The following TUT4 variants were observed in gnomAD, a reference collection of about 807,000 sequenced individuals.
TUT4 encodes terminal uridylyltransferase 4.
In TUT4, 36 loss-of-function variants were observed where a neutral mutation model predicts 192.2. The observed-to-expected ratio is 0.19, with a 90% CI of 0.14 to 0.25. The LOEUF is 0.25. Among genes scored for constraint, TUT4 ranks in the 10% least tolerant of loss-of-function variants. TUT4 has a pLI of 1.00. For synonymous variants in TUT4, 618 were observed against 666.0 expected (o/e 0.93, Z 1.11); for missense variants, 1,493 against 1,957.2 (o/e 0.76, Z 4.47).
intron 3 of TUT4, among the ~76,000 whole-genome samples, chr1:52,512,417 GT>G (rs1424198269): frequency 6.6e-6 from 1 of 152,192 alleles, no homozygotes; most frequent in African/African-American, 2.4e-5. Flanking sequence ...GTAAACTGAT[GT>G]TTAAAGAATT....
intron 1 of TUT4, among the ~76,000 whole-genome samples, chr1:52,543,311 G>C (rs781345534): frequency 3.3e-5 from 5 of 151,476 alleles, no homozygotes; most frequent in Admixed American, 1.3e-4. Flanking sequence ...TAATCTAAAG[G>C]GAAATTTTAA....
rs1180682966 is a variant in TUT4, at chr1:52,431,164, G to C, written c.4560C>G (p.Ala1520=). Residue 1520 remains alanine (A), a synonymous_variant, in exon 28 of 30, where the codon GCC becomes GCG. Transcript: ENST00000257177. ...GPVIHSAPGS[A]PSNIGLNDPS... ...GATCATTTAGGCCAATATTGCTGGG[G>C]GCACTGCCTGGTGCAGAGTGGATCA... 1 of 1,614,090 alleles carries C rather than the reference G, an allele frequency of 6.2e-7. No individual in the cohort carries two copies. The highest frequency in any genetic ancestry group is 8.5e-7 in the Non-Finnish European group (1 of 1,180,036).
intron 4 of TUT4, among the ~76,000 whole-genome samples, chr1:52,504,096 C>T (rs1674873998): frequency 6.6e-6 from 1 of 152,164 alleles, no homozygotes; most frequent in Non-Finnish European, 1.5e-5. Flanking sequence ...GTAAATGGCA[C>T]CACAAACTAT....
intron 1 of TUT4, chr1:52,538,384 T>C (rs1173675449): frequency 1.3e-5 from 2 of 151,652 alleles, no homozygotes; most frequent in African/African-American, 4.8e-5. Context: ...AAAAGGGAGC[T>C]GGGTGCGGTG....
intron 9 of TUT4, 142 bp from the exon 10 acceptor site, chr1:52,482,065 A>T: frequency 1.8e-6 from 1 of 559,274 alleles, no homozygotes; most frequent in Non-Finnish European, 2.8e-6. Context: ...AAATATCATC[A>T]CTCTAAAATA....
chr1:52,487,541 AG>A (rs1471713973), intron 9 of TUT4, among the ~76,000 whole-genome samples: 8 of 152,200 alleles, frequency 5.3e-5, no homozygotes, highest in Non-Finnish European at 8.8e-5. Context: ...ATAGAGTATA[AG>A]ATAAATGAGA....
chr1:52,474,984 C>T lies in TUT4; in HGVS notation c.2575G>A (p.Glu859Lys). The T allele has an allele frequency of 3.1e-6, 5 of 1,614,190 alleles. No individual in the cohort carries two copies. The highest frequency in any genetic ancestry group is 4.2e-6 in the Non-Finnish European group (5 of 1,180,040). The change falls in exon 13 of 30, where the codon GAG becomes AAG. Residue 859 changes from glutamate to lysine, a missense_variant. Glu to Lys is a moderately conservative substitution (Grantham distance 56). Coordinates refer to ENST00000257177, the MANE Select transcript of TUT4 (RefSeq NM_001009881.3). The stretch of plus-strand genomic sequence containing the variant: ...GTGCACACACTCTGATGTGAACTCT[C>T]TGTTTCTAAATTTGACCTGCAGTCT... ...GTDCRSNLET[E>K]SSHQSVCTDT...
At chr1:52,452,951 T>C (rs533892747) in intron 20 of TUT4, among the ~76,000 whole-genome samples, 6 of 152,212 alleles carry the variant, frequency 3.9e-5, no homozygotes, top group Admixed American at 6.5e-5. Context: ...ATACTACAGA[T>C]GGTGCCAGAA....
chr1:52,537,722 G>C (rs1685318113), intron 1 of TUT4, among the ~76,000 whole-genome samples: 1 of 152,106 alleles, frequency 6.6e-6, no homozygotes, highest in Non-Finnish European at 1.5e-5. Flanking sequence ...AGACCAGCCT[G>C]GCCAACATGG....
At chr1:52,435,868 C>T (rs1653590180) in intron 26 of TUT4, among the ~76,000 whole-genome samples, 1 of 152,008 alleles carries the variant, frequency 6.6e-6, no homozygotes, top group Non-Finnish European at 1.5e-5. Context: ...TGTGATCATA[C>T]CACGCACTGC....
At chr1:52,526,591 T>C (rs529897645) in intron 1 of TUT4, among the ~76,000 whole-genome samples, 1 of 152,184 alleles carries the variant, frequency 6.6e-6, no homozygotes, top group South Asian at 2.1e-4. Context: ...AATGTAATTG[T>C]GGTAAAACAG....
At chr1:52,508,160 C>T (rs111405874) in intron 4 of TUT4, among the ~76,000 whole-genome samples, 13,391 of 151,634 alleles carry the variant, frequency 0.088, 1,944 homozygotes, top group African/African-American at 0.3. Flanking sequence ...GGTGAAACCC[C>T]GTCTCTATTA....
chr1:52,546,017 C>G (rs1688003909), intron 1 of TUT4, among the ~76,000 whole-genome samples: 2 of 149,096 alleles, frequency 1.3e-5, no homozygotes, highest in South Asian at 4.3e-4. Context: ...CAAGCGCCCA[C>G]AGTCCCACCT....
Position 52,446,306 on chromosome 1 carries a change from G to A in TUT4, c.3650C>T (p.Thr1217Ile). Residue 1217 changes from threonine (T) to isoleucine (I), a missense_variant, in exon 22 of 30, where the codon ACT becomes ATT. Around this residue, in one of 7 missense-constraint regions of TUT4, gnomAD observed 141 missense variants for 382.7 expected, o/e 0.37. Coordinates refer to ENST00000257177, the MANE Select transcript of TUT4 (RefSeq NM_001009881.3). ...ISIRQKKLLT[T>I]FEKQWTSKCI... ...CTTGGAAGTCCACTGCTTCTCAAAAGTTGTCAACAGCTTTTTCTGCCGAAT... is the reference window on the plus strand; with the variant it reads ...CTTGGAAGTCCACTGCTTCTCAAAAATTGTCAACAGCTTTTTCTGCCGAAT... 1 of 1,613,502 alleles carries A rather than the reference G, an allele frequency of 6.2e-7. No homozygotes were observed. The highest frequency in any genetic ancestry group is 8.5e-7 in the Non-Finnish European group (1 of 1,179,780).
intron 1 of TUT4, among the ~76,000 whole-genome samples, chr1:52,545,244 G>A (rs1305308947): frequency 2.0e-5 from 3 of 151,658 alleles, no homozygotes; most frequent in Non-Finnish European, 2.9e-5. Context: ...GGCAGTAGTG[G>A]CAAGCGCCTG....
At chr1:52,531,950 C>T (rs1683567738) in intron 1 of TUT4, among the ~76,000 whole-genome samples, 1 of 128,838 alleles carries the variant, frequency 7.8e-6, no homozygotes, top group Non-Finnish European at 1.5e-5. Flanking sequence ...AGCTGGAGTG[C>T]ACTCTCAGCT....
At chr1:52,510,337 A>AG (rs1322166171) in intron 3 of TUT4, among the ~76,000 whole-genome samples, 5 of 148,262 alleles carry the variant, frequency 3.4e-5, no homozygotes, top group Non-Finnish European at 7.5e-5. Context: ...AAAAAAAAAA[A>AG]AAAAGAAAAG....
chr1:52,511,873 T>C (rs1361098089), intron 3 of TUT4, among the ~76,000 whole-genome samples: 1 of 152,160 alleles, frequency 6.6e-6, no homozygotes, highest in Non-Finnish European at 1.5e-5. Context: ...CTTTCTATAT[T>C]GAGAATAGAA....
chr1:52,425,607 C>G, intron 28 of TUT4, 100 bp from the exon 29 acceptor site: 4 of 1,340,784 alleles, frequency 3.0e-6, no homozygotes, highest in Non-Finnish European at 4.0e-6. Flanking sequence ...CTACCATTGG[C>G]TAAGAACTAT....
Sources: gnomAD v4.1 joint callset for allele counts (sites outside exome capture counted in the v4.1 genomes callset) on GRCh38, gnomAD v4.1.1 for gene constraint, gnomAD v4.1.1 regional missense constraint, MANE v1.5 for transcripts, NCBI Gene and HGNC (gene_info 2026-07-23, HGNC 2026-07-21) for gene names.